The following CCNB1 variants were observed in gnomAD, a reference collection of about 807,000 sequenced individuals.
CCNB1 encodes the protein G2/mitotic-specific cyclin-B1.
In CCNB1, 26 loss-of-function variants were observed where a neutral mutation model predicts 44.4. The ratio of observed to expected loss-of-function variants is 0.59; its 90% CI spans 0.43 to 0.81. The LOEUF (loss-of-function observed/expected upper bound fraction) is 0.81. Ranked by LOEUF, CCNB1 falls within the 40% of genes least tolerant of loss-of-function variation. CCNB1 has a pLI of 0.00. For synonymous variants in CCNB1, 195 were observed against 181.4 expected (o/e 1.08, Z -0.60); for missense variants, 477 against 520.9 (o/e 0.92, Z 0.82).
chr5:69,173,738 C>A (rs1747513728), intron 4 of CCNB1, among the ~76,000 whole-genome samples: 1 of 152,030 alleles, frequency 6.6e-6, no homozygotes, highest in Non-Finnish European at 1.5e-5. Flanking sequence ...AAAAAGCTGT[C>A]ATACTGTCCT....
At chr5:69,167,333 G>T (rs1267349809) in intron 1 of CCNB1, 50 bp downstream of exon 1, 3 of 1,596,880 alleles carry the variant, frequency 1.9e-6, no homozygotes, top group Non-Finnish European at 2.6e-6. Flanking sequence ...GCTGCTGCCT[G>T]CTCTCCCTGC....
intron 3 of CCNB1, among the ~76,000 whole-genome samples, chr5:69,171,020 C>T (rs1747447607): frequency 6.6e-6 from 1 of 152,106 alleles, no homozygotes; most frequent in Non-Finnish European, 1.5e-5. Flanking sequence ...CTAGCCTCAA[C>T]CTCAGCCTCT....
chr5:69,175,045 G>T lies in CCNB1; in HGVS notation c.874G>T (p.Ala292Ser). Residue 292 changes from alanine (A) to serine (S), a missense_variant, in exon 6 of 9, where the codon GCT (alanine) becomes TCT (serine). Physicochemically the swap from Ala to Ser is moderately conservative, Grantham distance 99. Transcript: ENST00000256442. ...ACAGATGGAAATGAAGATTCTAAGA[G>T]CTTTAAACTTTGGTCTGGGTCGGCC... ...IRQMEMKILR[A>S]LNFGLGRPLP... 1.2e-6 allele frequency: 2 copies of T among 1,614,178 alleles called. No homozygotes were observed. Among genetic ancestry groups the T allele is most frequent in the Non-Finnish European group, 1.7e-6 (2 of 1,180,036 alleles).
chr5:69,174,755 C>G, intron 5 of CCNB1, 122 bp from the exon 6 acceptor site: 2 of 760,708 alleles, frequency 2.6e-6, no homozygotes, highest in South Asian at 1.7e-5. Flanking sequence ...TAAAATCTTT[C>G]TTGGGGGATA....
intron 4 of CCNB1, among the ~76,000 whole-genome samples, chr5:69,173,962 T>C (rs1747520784): frequency 1.3e-5 from 2 of 151,960 alleles, no homozygotes; most frequent in African/African-American, 4.8e-5. Context: ...TAAAGACAGG[T>C]TTTGCCATGT....
At chr5:69,173,752 T>C (rs1264866362) in intron 4 of CCNB1, among the ~76,000 whole-genome samples, 1 of 152,140 alleles carries the variant, frequency 6.6e-6, no homozygotes, top group Non-Finnish European at 1.5e-5. Flanking sequence ...CTGTCCTATC[T>C]AATGTTTGCC....
In CCNB1 at chr5:69,167,947, A is replaced by G; in HGVS notation, c.61A>G (p.Met21Val). The G allele has an allele frequency of 1.2e-6, 2 of 1,612,778 alleles. No individual in the cohort carries two copies. The highest frequency in any genetic ancestry group is 1.7e-6 in the Non-Finnish European group (2 of 1,179,716). Residue 21 changes from methionine to valine, a missense_variant, in exon 2 of 9, where the codon ATG becomes GTG. By Grantham distance (21) the Met-to-Val change is conservative. Transcript: ENST00000256442. ...TGCTGAAAATAAGGCGAAGATCAAC[A>G]TGGCAGGCGCAAAGCGCGTTCCTAC... ...INAENKAKIN[M>V]AGAKRVPTAP... is the part of the protein sequence containing the mutation.
intron 3 of CCNB1, among the ~76,000 whole-genome samples, chr5:69,168,845 C>T (rs1019784814): frequency 6.6e-5 from 10 of 152,134 alleles, no homozygotes; most frequent in African/African-American, 2.4e-4. Context: ...AGGAGTAAAA[C>T]AGGAAGAAGG....
chr5:69,168,390 C>G, intron 3 of CCNB1, 47 bp downstream of exon 3: 1 of 1,602,478 alleles, frequency 6.2e-7, no homozygotes, highest in Non-Finnish European at 8.5e-7. Flanking sequence ...ATTTCTTGTC[C>G]CTTATTTCAC....
intron 7 of CCNB1, among the ~76,000 whole-genome samples, chr5:69,176,571 C>T (rs978571801): frequency 1.8e-4 from 27 of 150,048 alleles, no homozygotes; most frequent in Non-Finnish European, 2.4e-4. Context: ...GGGGTTTCAC[C>T]GTGTTAGCCA....
intron 1 of CCNB1, 118 bp downstream of exon 1, chr5:69,167,401 G>A (rs1264566296): frequency 1.7e-6 from 2 of 1,172,700 alleles, no homozygotes; most frequent in East Asian, 2.4e-5. Context: ...TGGGGAGGAA[G>A]GTGGGAGGGG....
chr5:69,175,143 T>C (rs745535905), intron 6 of CCNB1, 30 bp downstream of exon 6: 1 of 1,485,260 alleles, frequency 6.7e-7, no homozygotes, highest in South Asian at 1.1e-5. Flanking sequence ...CCTCTCCGTA[T>C]GGGTACATTA....
chr5:69,167,905 C>G lies in CCNB1; in HGVS notation c.22-3C>G, dbSNP rs768630510. ...GCTCTTAAAGTGGTCTTGCTTCTTT[C>G]AGAACTCGAAAATTAATGCTGAAAA... On this transcript the variant is annotated splice_polypyrimidine_tract_variant and splice_region_variant and intron_variant, in intron 1 of 8. Coordinates refer to ENST00000256442, the MANE Select transcript of CCNB1 (RefSeq NM_031966.4). 2 of 1,607,676 alleles carry G rather than the reference C, an allele frequency of 1.2e-6. No individual in the cohort carries two copies. The highest frequency in any genetic ancestry group is 2.2e-5 in the South Asian group (2 of 90,246).
chr5:69,168,299 C>T lies in CCNB1; in HGVS notation c.319C>T (p.Pro107Ser), dbSNP rs760811100. Residue 107 changes from proline (P) to serine (S), a missense_variant, in exon 3 of 9, where the codon CCT becomes TCT. Pro to Ser is a moderately conservative substitution (Grantham distance 74, BLOSUM62 -1). Coordinates refer to ENST00000256442, the MANE Select transcript of CCNB1 (RefSeq NM_031966.4). ...PVPEPEPEPE[P>S]EPVKEEKLSP... is the part of the protein sequence containing the mutation. ...GCCAGAGCCAGAACCTGAGCCAGAA[C>T]CTGAGCCTGTTAAAGAAGAAAAACT... The T allele has an allele frequency of 2.0e-5, 33 of 1,614,066 alleles. No homozygotes were observed. In the East Asian group the frequency reaches 6.2e-4, roughly 31 times the overall value.
intron 4 of CCNB1, 63 bp from the exon 5 acceptor site, chr5:69,174,188 T>C: frequency 6.8e-7 from 1 of 1,471,894 alleles, no homozygotes; most frequent in African/African-American, 1.4e-5. Flanking sequence ...AACTGATCTT[T>C]CTGGACATAA....
rs1747640438 is a variant in CCNB1 at position 69,178,221 on chromosome 5, A to G, written c.*590A>G. On this transcript the variant is annotated 3_prime_UTR_variant, in exon 9 of 9. Transcript: ENST00000256442. The stretch of plus-strand genomic sequence containing the variant: ...TTCATTTTGGTTTTGTGTTTTGGTT[A>G]ATAAAACAATACTCAAATACAAAAG... 1 of 152,194 alleles carries G rather than the reference A, an allele frequency of 6.6e-6. No individual in the cohort carries two copies. Among genetic ancestry groups the G allele is most frequent in the South Asian group, 2.1e-4 (1 of 4,836 alleles). The allele number at this position is 152,194 out of a possible 1,614,324, so 9.4% of individuals were successfully genotyped here.
At chr5:69,175,583 G>A in intron 7 of CCNB1, 46 bp downstream of exon 7, 1 of 1,578,248 alleles carries the variant, frequency 6.3e-7, no homozygotes, top group South Asian at 1.1e-5. Context: ...ATTTTAAAGA[G>A]TGACTAAATA....
At chr5:69,175,769 A>G (rs1738958957) in intron 7 of CCNB1, among the ~76,000 whole-genome samples, 1 of 151,926 alleles carries the variant, frequency 6.6e-6, no homozygotes, top group Admixed American at 6.6e-5. Context: ...CTGCAACATC[A>G]GCCTCCAGAG....
rs531439444 is a variant in CCNB1 at position 69,170,277 on chromosome 5, G to A, written c.364-993G>A. Among the ~76,000 whole-genome samples, 31 of 152,154 alleles carry A rather than the reference G, an allele frequency of 2.0e-4. No individual in the cohort carries two copies. In the South Asian group the frequency reaches 5.8e-3, roughly 28 times the overall value. On this transcript the variant is annotated intron_variant, in intron 3 of 8. Coordinates refer to ENST00000256442, the MANE Select transcript of CCNB1 (RefSeq NM_031966.4). ...ATTACAAGCGTGAGCCACCATGCCC[G>A]ACCTTATTTCTTTACTTTGTCTACT...
Sources: gnomAD v4.1 joint callset for allele counts (sites outside exome capture counted in the v4.1 genomes callset) on GRCh38, gnomAD v4.1.1 for gene constraint, MANE v1.5 for transcripts, NCBI Gene and HGNC (gene_info 2026-07-23, HGNC 2026-07-21) for gene names.